Variants in HK2 observed in about 807,000 individuals in gnomAD.
HK2 encodes the protein hexokinase 2.
In HK2, 42 loss-of-function variants were observed where a neutral mutation model predicts 92.9. The observed-to-expected ratio is 0.45, with a 90% CI of 0.35 to 0.58. The LOEUF is 0.58. Among genes scored for constraint, HK2 ranks in the 20% least tolerant of loss-of-function variants. The probability of loss-of-function intolerance (pLI) is 0.00; values close to 1 mark genes in which losing one functional copy is unlikely to be tolerated. For missense variants in HK2, 978 were observed against 1,245.1 expected (o/e 0.79, Z 3.23); for synonymous variants, 422 against 468.0 (o/e 0.90, Z 1.27).
rs1272436660 is a variant in HK2, at chr2:74,872,383, C to G, written c.459C>G (p.Thr153=). 1 of 1,614,052 alleles carries G rather than the reference C, an allele frequency of 6.2e-7. No homozygotes were observed. Among genetic ancestry groups the G allele is most frequent in the Non-Finnish European group, 8.5e-7 (1 of 1,179,954 alleles). The change falls in exon 4 of 18, where the codon ACC becomes ACG. Residue 153 remains threonine (T), a synonymous_variant. Coordinates refer to ENST00000290573, the MANE Select transcript of HK2 (RefSeq NM_000189.5). ...IKDKKLPLGF[T]FSFPCHQTKL... ...ACAAGAAGCTCCCACTGGGTTTTACCTTCTCGTTCCCCTGCCACCAGACTA... is the reference window on the plus strand; with the variant it reads ...ACAAGAAGCTCCCACTGGGTTTTACGTTCTCGTTCCCCTGCCACCAGACTA...
In HK2 at chr2:74,874,277, A is replaced by G. The variant is rs369460914; in HGVS notation, c.703A>G (p.Asn235Asp). The change falls in exon 7 of 18, where the codon AAC becomes GAC. Residue 235 changes from asparagine to aspartate, a missense_variant. Physicochemically the swap from Asn to Asp is conservative, Grantham distance 23. Coordinates refer to ENST00000290573, the MANE Select transcript of HK2 (RefSeq NM_000189.5). ...EIGLIVGTGS[N>D]ACYMEEMRHI... ...CCTTGTTTTGGCAGGCACGGGCAGC[A>G]ACGCCTGCTACATGGAAGAGATGCG... 30 of 1,614,202 alleles carry G rather than the reference A, an allele frequency of 1.9e-5. No homozygotes were observed. The highest frequency in any genetic ancestry group is 2.5e-5 in the Non-Finnish European group (29 of 1,180,042).
In HK2 at chr2:74,834,208, GC is replaced by G. The variant is rs1177053551; in HGVS notation, c.-370del. ...GTCACCCAGCTAAGAAAATCCGCGG[GC>G]CCGAGCCACGCGCCTGTGAATCGGA... On this transcript the variant is annotated 5_prime_UTR_variant, in exon 1 of 18. An upstream open reading frame in the 5' UTR gains an earlier in-frame stop. Transcript: ENST00000290573. The surrounding 1 kb of genome is among the most constrained non-coding windows in gnomAD (Gnocchi z 4.2). 1 of 377,604 alleles carries G rather than the reference GC, an allele frequency of 2.6e-6. No homozygotes were observed. 23.4% of individuals were successfully genotyped at this position (377,604 alleles called of 1,614,324 possible).
chr2:74,889,699 A>G (rs548934133), intron 17 of HK2, among the ~76,000 whole-genome samples: 2 of 152,212 alleles, frequency 1.3e-5, no homozygotes, highest in East Asian at 3.9e-4. Flanking sequence ...CAACTGTGTC[A>G]TCATTCTCCC....
chr2:74,881,516 T>C (rs1031931288), intron 10 of HK2, among the ~76,000 whole-genome samples, 195 bp from the exon 11 acceptor site: 1 of 151,452 alleles, frequency 6.6e-6, no homozygotes, highest in Non-Finnish European at 1.5e-5. Flanking sequence ...CAAGGGAGGG[T>C]TTTCTCAGTT....
chr2:74,850,794 A>G (rs2103871285), intron 1 of HK2, among the ~76,000 whole-genome samples: 1 of 152,308 alleles, frequency 6.6e-6, no homozygotes, highest in Non-Finnish European at 1.5e-5. Flanking sequence ...AGTGCCTACC[A>G]GGGCTGGGTG....
At chr2:74,836,891 A>C (rs1688180046) in intron 1 of HK2, among the ~76,000 whole-genome samples, 1 of 152,218 alleles carries the variant, frequency 6.6e-6, no homozygotes, top group Non-Finnish European at 1.5e-5. Context: ...CCCTTGTGAT[A>C]AGATAATCTT....
intron 1 of HK2, among the ~76,000 whole-genome samples, chr2:74,839,911 C>G (rs956288234): frequency 6.6e-6 from 1 of 150,930 alleles, no homozygotes; most frequent in African/African-American, 2.4e-5. Flanking sequence ...TTTGGCCTCC[C>G]AAAGTGCTGG....
At chr2:74,869,530 C>T (rs967243281) in intron 3 of HK2, among the ~76,000 whole-genome samples, 7 of 152,178 alleles carry the variant, frequency 4.6e-5, no homozygotes, top group South Asian at 2.1e-4. Flanking sequence ...GGGGGTCCTT[C>T]GGTAAAGTCT....
intron 3 of HK2, among the ~76,000 whole-genome samples, chr2:74,871,301 TGGATAGGAAAA>T (rs1462995197): frequency 3.9e-5 from 6 of 152,230 alleles, no homozygotes; most frequent in Admixed American, 3.3e-4. Flanking sequence ...TGCACCTTCC[TGGATAGGAAAA>T]GGATAGTTGA....
At position 74,877,180 on chromosome 2, in the gene HK2, T is replaced by G; in HGVS notation, c.890T>G (p.Ile297Ser). 2 of 1,614,096 alleles carry G rather than the reference T, an allele frequency of 1.2e-6. No homozygotes were observed. Among genetic ancestry groups the G allele is most frequent in the Non-Finnish European group, 1.7e-6 (2 of 1,180,030 alleles). ...NPGKQLFEKMISGMYMGELVR... is the reference protein window; with the variant it reads ...NPGKQLFEKMSSGMYMGELVR... ...TCTTCCGGCAGGTTTGAGAAGATGA[T>G]CAGTGGGATGTACATGGGGGAGCTG... is the stretch of plus-strand genomic sequence containing the variant. Residue 297 changes from isoleucine (I) to serine (S), a missense_variant, in exon 8 of 18, where the codon ATC becomes AGC. Physicochemically the swap from Ile to Ser is moderately radical, Grantham distance 142. Around this residue, in one of 3 missense-constraint regions of HK2, gnomAD observed 742 missense variants for 922.5 expected, o/e 0.80. Transcript: ENST00000290573.
At chr2:74,849,700 G>A (rs777832813) in intron 1 of HK2, among the ~76,000 whole-genome samples, 2 of 152,174 alleles carry the variant, frequency 1.3e-5, no homozygotes, top group Admixed American at 6.5e-5. Flanking sequence ...AAGAAGGGGT[G>A]GAAGGAAAGG....
chr2:74,886,181 C>CAGCCATGG, intron 13 of HK2, 113 bp from the exon 14 acceptor site: 1 of 829,552 alleles, frequency 1.2e-6, no homozygotes, highest in Non-Finnish European at 2.0e-6. Flanking sequence ...ATGAGAGGGT[C>CAGCCATGG]AGCCATGGTG....
intron 1 of HK2, among the ~76,000 whole-genome samples, chr2:74,842,736 C>A (rs1688344135): frequency 6.6e-6 from 1 of 152,234 alleles, no homozygotes; most frequent in African/African-American, 2.4e-5. Flanking sequence ...GAGATCCATC[C>A]TTAAGCTCTT....
At position 74,834,744 on chromosome 2, in the gene HK2, T is replaced by G; in HGVS notation, c.63+101T>G. 2 of 1,368,442 alleles carry G rather than the reference T, an allele frequency of 1.5e-6. No individual in the cohort carries two copies. The highest frequency in any genetic ancestry group is 2.1e-6 in the Non-Finnish European group (2 of 960,920). The allele number at this position is 1,368,442 out of a possible 1,614,324, so 84.8% of individuals were successfully genotyped here. On this transcript the variant is annotated intron_variant, in intron 1 of 17. Transcript: ENST00000290573. The surrounding 1 kb of genome is among the most constrained non-coding windows in gnomAD (Gnocchi z 4.2). ...CTGCGGGGACCCGCTTCCTCCCTAC[T>G]CCGGGCCTGGGAGCGGAAAAAGTTT...
chr2:74,870,576 G>C (rs1483285855), intron 3 of HK2, among the ~76,000 whole-genome samples: 2 of 56,298 alleles, frequency 3.6e-5, no homozygotes. Flanking sequence ...TTTTTTTTTT[G>C]GGATAAAAAC....
intron 1 of HK2, among the ~76,000 whole-genome samples, chr2:74,848,195 C>A (rs1281284662): frequency 1.9e-4 from 29 of 152,164 alleles, no homozygotes. Context: ...TGTGACACTT[C>A]CCATGGGCTG....
At chr2:74,837,200 C>A (rs2103819994) in intron 1 of HK2, among the ~76,000 whole-genome samples, 1 of 152,034 alleles carries the variant, frequency 6.6e-6, no homozygotes, top group South Asian at 2.1e-4. Context: ...GGTAACTTGC[C>A]CAAGGTCTCC....
intron 1 of HK2, among the ~76,000 whole-genome samples, chr2:74,836,695 T>A (rs966039516): frequency 1.3e-5 from 2 of 152,160 alleles, no homozygotes; most frequent in Admixed American, 6.6e-5. Context: ...GGGATTTGAC[T>A]CCCAGCTTAG....
intron 3 of HK2, among the ~76,000 whole-genome samples, chr2:74,870,536 C>T (rs1689073044): frequency 6.8e-6 from 1 of 147,030 alleles, no homozygotes; most frequent in African/African-American, 2.6e-5. Context: ...TATCTCTTTG[C>T]ACAACTTCTG....
Sources: allele counts gnomAD v4.1 joint callset (sites outside exome capture counted in the v4.1 genomes callset), GRCh38; gene constraint gnomAD v4.1.1; regional missense constraint gnomAD v4.1.1; non-coding constraint Gnocchi (gnomAD v3.1); transcripts MANE v1.5; gene names NCBI Gene and HGNC (gene_info 2026-07-23, HGNC 2026-07-21).